Variants in SLC16A7 observed in about 807,000 individuals in gnomAD.
The protein encoded by SLC16A7 is monocarboxylate transporter 2.
SLC16A7 carries 33 observed loss-of-function variants against 34.9 expected under a neutral mutation model. That is an observed-to-expected ratio of 0.94 (90% CI 0.72 to 1.26). The LOEUF is 1.26. SLC16A7 is among the 50% of genes most tolerant of loss of function. The pLI, the probability that SLC16A7 is intolerant of heterozygous loss-of-function variation, is 0.00. For synonymous variants in SLC16A7, 201 were observed against 206.6 expected (o/e 0.97, Z 0.23); for missense variants, 573 against 578.1 (o/e 0.99, Z 0.09).
intron 3 of SLC16A7, among the ~76,000 whole-genome samples, chr12:59,725,147 A>G (rs1458327017): frequency 1.3e-5 from 2 of 152,086 alleles, no homozygotes; most frequent in Non-Finnish European, 2.9e-5. Flanking sequence ...ATAGAATACT[A>G]TTTTTGATGC....
chr12:59,687,320 C>T (rs888264515), intron 2 of SLC16A7, among the ~76,000 whole-genome samples: 5 of 151,982 alleles, frequency 3.3e-5, no homozygotes, highest in African/African-American at 1.2e-4. Flanking sequence ...TTATTGCTTC[C>T]ATAGTAACCT....
In SLC16A7 at chr12:59,715,866, AGTTT is replaced by A. The variant is rs58443881; in HGVS notation, c.217+10853_217+10856del. 8.8e-3 allele frequency among the ~76,000 whole-genome samples: 1,336 copies of A among 152,290 alleles called. 16 individuals carry two copies. Among genetic ancestry groups the A allele is most frequent in the African/African-American group, 0.031 (1,274 of 41,560 alleles). On this transcript the variant is annotated intron_variant, in intron 3 of 5. Coordinates refer to ENST00000547379, the MANE Select transcript of SLC16A7 (RefSeq NM_001270623.2). ...TGTAATTACCCAATGTTTTTATTAC[AGTTT>A]GTTTATCTGTTGTTTATAAGAATTG...
At chr12:59,658,603 A>G (rs1285034095) in intron 2 of SLC16A7, among the ~76,000 whole-genome samples, 3 of 151,948 alleles carry the variant, frequency 2.0e-5, no homozygotes, top group African/African-American at 7.2e-5. Context: ...TCTACCTTGA[A>G]ACTGCATCAA....
At chr12:59,681,216 A>G (rs1036891438) in intron 2 of SLC16A7, among the ~76,000 whole-genome samples, 5 of 152,180 alleles carry the variant, frequency 3.3e-5, no homozygotes, top group African/African-American at 7.2e-5. Context: ...TTAATCACCT[A>G]TCCCCTGGAA....
chr12:59,648,409 T>C (rs1868284987), intron 1 of SLC16A7, among the ~76,000 whole-genome samples: 2 of 152,220 alleles, frequency 1.3e-5, no homozygotes, highest in Admixed American at 6.6e-5. Context: ...TTAATATTTA[T>C]TGAGTACATA....
intron 2 of SLC16A7, among the ~76,000 whole-genome samples, chr12:59,676,609 A>C (rs993327030): frequency 4.6e-5 from 7 of 152,084 alleles, no homozygotes; most frequent in Non-Finnish European, 8.8e-5. Flanking sequence ...GAGAACAATA[A>C]ATCGCTTTTC....
At chr12:59,703,162 A>G (rs1873093589) in intron 2 of SLC16A7, among the ~76,000 whole-genome samples, 1 of 152,126 alleles carries the variant, frequency 6.6e-6, no homozygotes, top group African/African-American at 2.4e-5. Context: ...AAGTAATTTG[A>G]ACTCTTGAAA....
At chr12:59,622,262 C>A (rs909751500) in intron 1 of SLC16A7, among the ~76,000 whole-genome samples, 6 of 151,750 alleles carry the variant, frequency 4.0e-5, no homozygotes, top group Non-Finnish European at 7.4e-5. Flanking sequence ...TTCTTCCAGG[C>A]TGAAAAAACG....
chr12:59,631,875 A>AT (rs1880199248), intron 1 of SLC16A7, among the ~76,000 whole-genome samples: 2 of 151,972 alleles, frequency 1.3e-5, no homozygotes, highest in African/African-American at 4.8e-5. Flanking sequence ...AGCATGGTTC[A>AT]TGCCCATAAG....
chr12:59,768,181 CT>C (rs1485918000), intron 3 of SLC16A7: 1 of 455,642 alleles, frequency 2.2e-6, no homozygotes, highest in Middle Eastern at 3.2e-4. Flanking sequence ...GGAAAATCTT[CT>C]GGAAAGGATT....
intron 2 of SLC16A7, among the ~76,000 whole-genome samples, chr12:59,699,699 G>C (rs991330688): frequency 6.6e-6 from 1 of 151,638 alleles, no homozygotes; most frequent in African/African-American, 2.4e-5. Context: ...AATGACATAT[G>C]GTCAATCCTT....
At chr12:59,775,777 G>GA (rs1159908459) in intron 5 of SLC16A7, among the ~76,000 whole-genome samples, 2 of 151,774 alleles carry the variant, frequency 1.3e-5, no homozygotes, top group Non-Finnish European at 2.9e-5. Context: ...AAATATATCA[G>GA]AAAAAAATGC....
At chr12:59,710,007 G>T (rs1455492753) in intron 3 of SLC16A7, among the ~76,000 whole-genome samples, 5 of 151,622 alleles carry the variant, frequency 3.3e-5, no homozygotes. Context: ...ACAAACATGA[G>T]GGCTTGGTTT....
At chr12:59,736,949 A>G (rs1196446525) in intron 3 of SLC16A7, among the ~76,000 whole-genome samples, 3 of 152,124 alleles carry the variant, frequency 2.0e-5, no homozygotes, top group African/African-American at 7.2e-5. Context: ...TCACTGAACA[A>G]TTCCTCTGTT....
chr12:59,702,953 A>T (rs1243351946), intron 2 of SLC16A7, among the ~76,000 whole-genome samples: 1 of 152,060 alleles, frequency 6.6e-6, no homozygotes, highest in African/African-American at 2.4e-5. Context: ...GAAATTTGTC[A>T]CATTTAAAAA....
intron 2 of SLC16A7, among the ~76,000 whole-genome samples, chr12:59,688,586 GT>G (rs1871332323): frequency 6.6e-6 from 1 of 151,982 alleles, no homozygotes; most frequent in Non-Finnish European, 1.5e-5. Flanking sequence ...TGGCAGCAAT[GT>G]TTTATATATA....
At chr12:59,628,233 CCTCT>C (rs1016222712) in intron 1 of SLC16A7, among the ~76,000 whole-genome samples, 1 of 151,732 alleles carries the variant, frequency 6.6e-6, no homozygotes, top group Admixed American at 6.6e-5. Flanking sequence ...CCCATATTGA[CCTCT>C]ATTTGTTGTT....
chr12:59,679,142 G>T (rs950470440), intron 2 of SLC16A7, among the ~76,000 whole-genome samples: 1 of 152,138 alleles, frequency 6.6e-6, no homozygotes, highest in Non-Finnish European at 1.5e-5. Context: ...AGTGTGGCTT[G>T]GGTGGTTGCA....
At chr12:59,701,172 G>A (rs914116116) in intron 2 of SLC16A7, among the ~76,000 whole-genome samples, 5 of 151,094 alleles carry the variant, frequency 3.3e-5, no homozygotes, top group Non-Finnish European at 3.0e-5. Context: ...AGGATGATAG[G>A]TAAATTTGTC....
Sources: allele counts gnomAD v4.1 joint callset (sites outside exome capture counted in the v4.1 genomes callset), GRCh38; gene constraint gnomAD v4.1.1; transcripts MANE v1.5; gene names NCBI Gene and HGNC (gene_info 2026-07-23, HGNC 2026-07-21).